The following KDM6A variants were observed in gnomAD, a reference collection of about 807,000 sequenced individuals.
The protein encoded by KDM6A is lysine-specific demethylase 6A.
KDM6A carries 11 observed loss-of-function variants against 117.6 expected under a neutral mutation model. The observed-to-expected ratio is 0.09, with a 90% CI of 0.06 to 0.15. KDM6A has a LOEUF of 0.15. Ranked by LOEUF, KDM6A falls within the 10% of genes least tolerant of loss-of-function variation. The probability of loss-of-function intolerance (pLI) is 1.00; values close to 1 mark genes in which losing one functional copy is unlikely to be tolerated. For synonymous variants in KDM6A, 384 were observed against 396.1 expected (o/e 0.97, Z 0.36); for missense variants, 799 against 1,077.3 (o/e 0.74, Z 3.62).
rs189823661 is a variant in KDM6A at position 44,922,544 on chromosome X, C to G, written c.226-38740C>G. Among the ~76,000 whole-genome samples the G allele has an allele frequency of 8.2e-3, 914 of 112,103 alleles. 33 individuals are homozygous for G. The East Asian group carries it at 0.13, about 16-fold the overall frequency. Reference sequence around the variant, plus strand: ...AGTGCAGTGGCGTGATCTCGGCTCACTGCAACCTCCGCATCCCGCGTTCAA... The same window carrying G: ...AGTGCAGTGGCGTGATCTCGGCTCAGTGCAACCTCCGCATCCCGCGTTCAA... On this transcript the variant is annotated intron_variant, in intron 2 of 29. Transcript: ENST00000611820.
At chrX:45,005,772 C>T (rs958114462) in intron 4 of KDM6A, among the ~76,000 whole-genome samples, 2 of 109,642 alleles carry the variant, frequency 1.8e-5, no homozygotes, top group Admixed American at 9.7e-5. Flanking sequence ...GGGTAAGTTT[C>T]AAGGTTCAAT....
chrX:45,098,021 CAG>C (rs1434563422), intron 27 of KDM6A, among the ~76,000 whole-genome samples: 12 of 111,938 alleles, frequency 1.1e-4, no homozygotes. Flanking sequence ...AGTGGCAGCT[CAG>C]TGGATAACTT....
chrX:44,982,171 C>A (rs2039947106), intron 4 of KDM6A, among the ~76,000 whole-genome samples: 1 of 111,078 alleles, frequency 9.0e-6, no homozygotes, highest in South Asian at 3.8e-4. Flanking sequence ...CTGAATAGAA[C>A]CATTGATTAA....
intron 4 of KDM6A, among the ~76,000 whole-genome samples, chrX:44,975,285 T>A (rs2039560978): frequency 9.0e-6 from 1 of 111,471 alleles, no homozygotes; most frequent in Non-Finnish European, 1.9e-5. Flanking sequence ...TGTTTACTTT[T>A]AAGTTTATTG....
intron 3 of KDM6A, among the ~76,000 whole-genome samples, chrX:44,963,440 AGTGTGTGTGTGTGTGTGTGTGTGTGT>A (rs747821170): frequency 4.3e-5 from 3 of 69,879 alleles, no homozygotes; most frequent in Non-Finnish European, 7.9e-5. Context: ...AGGGTGACAG[AGTGTGTGTGTGTGTGTGTGTGTGTGT>A]GTGTGTGTGT....
At chrX:44,946,592 A>T (rs749728745) in intron 2 of KDM6A, among the ~76,000 whole-genome samples, 3 of 110,756 alleles carry the variant, frequency 2.7e-5, no homozygotes, top group Non-Finnish European at 5.7e-5. Context: ...TTTTTTAATG[A>T]CTTGTACTTT....
At chrX:44,983,303 C>G (rs1017622488) in intron 4 of KDM6A, among the ~76,000 whole-genome samples, 1 of 111,549 alleles carries the variant, frequency 9.0e-6, no homozygotes, top group African/African-American at 3.3e-5. Context: ...TCTGACTTTC[C>G]GGTGGCTTTT....
At chrX:45,055,903 C>T (rs955731550) in intron 10 of KDM6A, among the ~76,000 whole-genome samples, 12 of 111,412 alleles carry the variant, frequency 1.1e-4, no homozygotes, top group Admixed American at 9.5e-5. Context: ...ATTCTAGTTA[C>T]GTAAAATTAT....
Position 45,063,786 on chromosome X carries a change from C to T in KDM6A, c.2048C>T (p.Pro683Leu), listed in dbSNP as rs781221250. The T allele has an allele frequency of 8.3e-7, 1 of 1,202,880 alleles. No individual in the cohort carries two copies. Reference sequence around the variant, plus strand: ...AACCTGACCAGCAGCGCAGAGGAGCCGTGGAAAAACCAACTATCTAACTCC... The same window carrying T: ...AACCTGACCAGCAGCGCAGAGGAGCTGTGGAAAAACCAACTATCTAACTCC... Reference protein sequence around the residue: ...RTNLTSSAEEPWKNQLSNSTQ... With the variant: ...RTNLTSSAEELWKNQLSNSTQ... The change falls in exon 17 of 30, where the codon CCG becomes CTG. Residue 683 changes from proline to leucine, a missense_variant. Pro to Leu is a moderately conservative substitution (Grantham distance 98, BLOSUM62 -3). Coordinates refer to ENST00000611820, the MANE Select transcript of KDM6A (RefSeq NM_001291415.2).
chrX:44,983,393 A>C (rs1231246080), intron 4 of KDM6A, among the ~76,000 whole-genome samples: 1 of 111,763 alleles, frequency 8.9e-6, no homozygotes, highest in Non-Finnish European at 1.9e-5. Flanking sequence ...TGAATAAGAT[A>C]GTTCCTGCTC....
At chrX:44,942,001 A>G (rs915363711) in intron 2 of KDM6A, among the ~76,000 whole-genome samples, 1 of 109,036 alleles carries the variant, frequency 9.2e-6, no homozygotes, top group East Asian at 2.9e-4. Context: ...GAATTCGAGC[A>G]TATGAACTTC....
At chrX:44,963,483 G>GTGTGTCTGTCTGTCTGTCTGTCTGTC (rs1481840859) in intron 3 of KDM6A, among the ~76,000 whole-genome samples, 71 of 40,873 alleles carry the variant, frequency 1.7e-3, no homozygotes, top group African/African-American at 4.9e-3. Flanking sequence ...GTGTGTGTGT[G>GTGTGTCTGTCTGTCTGTCTGTCTGTC]TGTCTGTCTG....
chrX:44,874,134 C>T, intron 2 of KDM6A, 147 bp downstream of exon 2: 1 of 531,326 alleles, frequency 1.9e-6, no homozygotes, highest in Non-Finnish European at 3.2e-6. Context: ...TCTGCTCTCC[C>T]CCCACCCCCG....
chrX:44,955,505 A>G (rs1199460635), intron 2 of KDM6A, among the ~76,000 whole-genome samples: 2 of 111,235 alleles, frequency 1.8e-5, no homozygotes, highest in African/African-American at 6.5e-5. Flanking sequence ...TTAAAAAAAA[A>G]CTAGTGCAAA....
intron 4 of KDM6A, among the ~76,000 whole-genome samples, chrX:44,974,956 G>C (rs778815141): frequency 7.7e-4 from 86 of 111,980 alleles, no homozygotes; most frequent in Non-Finnish European, 1.4e-3. Flanking sequence ...TGTAATAGAA[G>C]TGTGATAAGT....
chrX:44,949,349 T>C (rs5952277), intron 2 of KDM6A, among the ~76,000 whole-genome samples: 24,515 of 111,456 alleles, frequency 0.22, 4,370 homozygotes, highest in African/African-American at 0.61. Flanking sequence ...AACATGATGG[T>C]GTGCCTCTGC....
intron 9 of KDM6A, among the ~76,000 whole-genome samples, chrX:45,052,839 G>A (rs2043915732): frequency 9.0e-6 from 1 of 111,031 alleles, no homozygotes; most frequent in Non-Finnish European, 1.9e-5. Flanking sequence ...GCAGGCGCAT[G>A]CCACCACGCC....
At position 45,069,735 on chromosome X, in the gene KDM6A, G is replaced by A. The variant is rs181083704; in HGVS notation, c.2236G>A (p.Ala746Thr). ...TLPSNSVTQGAALNHLSSHTA... is the reference protein window; with the variant it reads ...TLPSNSVTQGTALNHLSSHTA... ...GCCTAGCAATTCAGTAACACAGGGG[G>A]CTGCTCTCAATCACCTCTCCTCTCA... The change falls in exon 18 of 30, where the codon GCT becomes ACT. Residue 746 changes from alanine to threonine, a missense_variant. Coordinates refer to ENST00000611820, the MANE Select transcript of KDM6A (RefSeq NM_001291415.2). 4.8e-5 allele frequency: 58 copies of A among 1,207,458 alleles called. No homozygotes were observed. In the East Asian group the frequency reaches 1.4e-3, roughly 29 times the overall value.
At chrX:45,103,039 G>T (rs1334658304) in intron 27 of KDM6A, among the ~76,000 whole-genome samples, 2 of 110,977 alleles carry the variant, frequency 1.8e-5, no homozygotes, top group African/African-American at 6.6e-5. Flanking sequence ...CTTCTCAGTG[G>T]CTGAGACTGT....
Sources: gnomAD v4.1 joint callset for allele counts (sites outside exome capture counted in the v4.1 genomes callset) on GRCh38, gnomAD v4.1.1 for gene constraint, MANE v1.5 for transcripts, NCBI Gene and HGNC (gene_info 2026-07-23, HGNC 2026-07-21) for gene names.